Variants in CMTR1 observed in about 807,000 individuals in gnomAD.
The protein encoded by CMTR1 is cap methyltransferase 1, also known as cap-specific mRNA (nucleoside-2'-O-)-methyltransferase 1.
In CMTR1, 39 loss-of-function variants were observed where a neutral mutation model predicts 107.0. The ratio of observed to expected loss-of-function variants is 0.36; its 90% CI spans 0.28 to 0.48. The LOEUF (loss-of-function observed/expected upper bound fraction) is 0.48. CMTR1 is among the 20% of genes least tolerant of loss of function. CMTR1 has a pLI of 0.99. For missense variants in CMTR1, 672 were observed against 1,064.9 expected, an observed-to-expected ratio of 0.63 and a Z score of 5.14; for synonymous variants, 366 against 379.5, an observed-to-expected ratio of 0.96 and a Z score of 0.41.
Position 37,480,162 on chromosome 6 carries a change from C to G in CMTR1, c.*17C>G. On this transcript the variant is annotated 3_prime_UTR_variant, in exon 24 of 24. Transcript: ENST00000373451. ...AGGGCCTAAGAGCCTCAGAATGTGC[C>G]ACCCCTGCAGAATGCCCTGTCATTC... 6.3e-7 allele frequency: 1 copy of G among 1,597,420 alleles called. No homozygotes were observed. The highest frequency in any genetic ancestry group is 1.1e-5 in the South Asian group (1 of 88,144).
chr6:37,453,461 A>C (rs1761226834), intron 8 of CMTR1, 149 bp downstream of exon 8: 2 of 726,970 alleles, frequency 2.8e-6, no homozygotes, highest in Admixed American at 2.4e-5. Flanking sequence ...AGGGTCCCAC[A>C]GTGCTTCTGT....
rs140362754 is a variant in CMTR1, at chr6:37,472,116, G to A, written c.1620+212G>A. 1.3e-5 allele frequency among the ~76,000 whole-genome samples: 2 copies of A among 152,302 alleles called. No homozygotes were observed. Among genetic ancestry groups the A allele is most frequent in the African/African-American group, 4.8e-5 (2 of 41,568 alleles). ...TTGGCCCTGCAGCTGGGTCAGAAAG[G>A]ACTAAGGGGTGGGGTGTGGGGAGGT... On this transcript the variant is annotated intron_variant, in intron 15 of 23. Transcript: ENST00000373451. The surrounding 1 kb of genome is among the most constrained non-coding windows in gnomAD (Gnocchi z 4.1).
At chr6:37,465,189 A>G (rs1581745856) in intron 13 of CMTR1, among the ~76,000 whole-genome samples, 1 of 150,688 alleles carries the variant, frequency 6.6e-6, no homozygotes, top group Non-Finnish European at 1.5e-5. Flanking sequence ...AATCGCTTGA[A>G]CCCGGGAGGC....
At position 37,450,484 on chromosome 6, in the gene CMTR1, A is replaced by G. The variant is rs536704359; in HGVS notation, c.537+141A>G. On this transcript the variant is annotated intron_variant, in intron 5 of 23. Transcript: ENST00000373451. ...ATGTTGGTAGGAATAAAACTGTGTC[A>G]AGAGGGAGTGTCATGAGCTTTACAA... is the stretch of plus-strand genomic sequence containing the variant. 91 of 681,156 alleles carry G rather than the reference A, an allele frequency of 1.3e-4. No individual in the cohort carries two copies. The East Asian group carries it at 2.4e-3, about 18-fold the overall frequency. The allele number at this position is 681,156 out of a possible 1,614,324, so 42.2% of individuals were successfully genotyped here.
chr6:37,445,166 A>T (rs1408557461), intron 3 of CMTR1, among the ~76,000 whole-genome samples: 2 of 152,210 alleles, frequency 1.3e-5, no homozygotes, highest in African/African-American at 4.8e-5. Flanking sequence ...GAAGTTAAAG[A>T]TGGGAAGGCT....
intron 3 of CMTR1, among the ~76,000 whole-genome samples, chr6:37,445,111 A>G (rs969257647): frequency 1.3e-5 from 2 of 152,246 alleles, no homozygotes; most frequent in African/African-American, 4.8e-5. Flanking sequence ...TGTCACTGCT[A>G]AAGCCATAGG....
Position 37,440,804 on chromosome 6 carries a change from T to C in CMTR1, c.134-3195T>C, listed in dbSNP as rs993891762. The stretch of plus-strand genomic sequence containing the variant: ...ACAGAAGGAAACAAAAGATCTCTCT[T>C]TGAGATCTTAGGGTGGCAGGAACCC... On this transcript the variant is annotated intron_variant, in intron 2 of 23. Transcript: ENST00000373451. Among the ~76,000 whole-genome samples, 20 of 152,282 alleles carry C rather than the reference T, an allele frequency of 1.3e-4. 1 individual carries two copies. Among genetic ancestry groups the C allele is most frequent in the Middle Eastern group, 3.4e-3 (1 of 294 alleles).
chr6:37,454,687 C>T (rs762892401), intron 8 of CMTR1, among the ~76,000 whole-genome samples: 3 of 152,110 alleles, frequency 2.0e-5, no homozygotes, highest in Non-Finnish European at 4.4e-5. Context: ...AAAAGGCAGC[C>T]GTGTTTGTAA....
Position 37,479,201 on chromosome 6 carries a change from A to G in CMTR1, c.2321A>G (p.Lys774Arg). 1 of 1,614,212 alleles carries G rather than the reference A, an allele frequency of 6.2e-7. No individual in the cohort carries two copies. Among genetic ancestry groups the G allele is most frequent in the Non-Finnish European group, 8.5e-7 (1 of 1,180,004 alleles). Residue 774 changes from lysine to arginine, a missense_variant, in exon 23 of 24, where the codon AAG becomes AGG. Coordinates refer to ENST00000373451, the MANE Select transcript of CMTR1 (RefSeq NM_015050.3). ...KSFKKKFFYN[K>R]KTKDSTFDLP... ...TTCAAGAAGAAGTTCTTCTACAACA[A>G]GAAAACCAAGGACTCTACTTTTGAC...
chr6:37,479,831 G>T (rs867289176), intron 23 of CMTR1, among the ~76,000 whole-genome samples, 182 bp from the exon 24 acceptor site: 10 of 152,226 alleles, frequency 6.6e-5, no homozygotes, highest in Non-Finnish European at 1.3e-4. Context: ...ACAGCTGTTT[G>T]TTGGGAAAAG....
chr6:37,471,783 G>T (rs1375913798), intron 14 of CMTR1, 64 bp from the exon 15 acceptor site: 1 of 1,451,362 alleles, frequency 6.9e-7, no homozygotes, highest in Non-Finnish European at 9.7e-7. Context: ...GATATGAGGG[G>T]TGCACAGGGG....
At chr6:37,465,282 T>C (rs1250658849) in intron 13 of CMTR1, among the ~76,000 whole-genome samples, 2 of 151,788 alleles carry the variant, frequency 1.3e-5, no homozygotes, top group African/African-American at 2.4e-5. Context: ...AAAAAAAGTA[T>C]ATTATATATA....
In CMTR1 at chr6:37,473,524, C is replaced by G; in HGVS notation, c.1744C>G (p.Leu582Val). ...YKPTLLTSKTLEKIRPVFDYR... is the reference protein window; with the variant it reads ...YKPTLLTSKTVEKIRPVFDYR... Reference sequence around the variant, plus strand: ...GCCCACACTGCTCACCTCTAAAACCCTGGAGAAGATCCGCCCTGTGTTTGA... The same window carrying G: ...GCCCACACTGCTCACCTCTAAAACCGTGGAGAAGATCCGCCCTGTGTTTGA... The change falls in exon 17 of 24, where the codon CTG becomes GTG. Residue 582 changes from leucine (L) to valine (V), a missense_variant. By Grantham distance (32) the Leu-to-Val change is conservative. Around this residue, in one of 2 missense-constraint regions of CMTR1, gnomAD observed 583 missense variants for 968.4 expected, o/e 0.60. Transcript: ENST00000373451. 6.2e-7 allele frequency: 1 copy of G among 1,614,186 alleles called. No individual in the cohort carries two copies. The highest frequency in any genetic ancestry group is 8.5e-7 in the Non-Finnish European group (1 of 1,180,026).
chr6:37,443,865 TG>T, intron 2 of CMTR1, 133 bp from the exon 3 acceptor site: 1 of 949,264 alleles, frequency 1.1e-6, no homozygotes, highest in Non-Finnish European at 1.5e-6. Flanking sequence ...AAAATAGATT[TG>T]ACCTTGGGTC....
At chr6:37,469,285 G>A (rs1399578542) in intron 13 of CMTR1, among the ~76,000 whole-genome samples, 3 of 152,026 alleles carry the variant, frequency 2.0e-5, no homozygotes, top group South Asian at 4.1e-4. Context: ...CCTTGTTTCT[G>A]ATGAAAAGTC....
Position 37,446,403 on chromosome 6 carries a change from G to C in CMTR1, c.398G>C (p.Arg133Pro). ...CGAAGAGGCTTGGGTCTGACACTCC[G>C]GGGCTTTGACCAGGAGCTGAACGTG... ...KGRRGLGLTL[R>P]GFDQELNVDW... The change falls in exon 4 of 24, where the codon CGG (arginine) becomes CCG (proline). Residue 133 changes from arginine (R) to proline (P), a missense_variant. Physicochemically the swap from Arg to Pro is moderately radical, Grantham distance 103. Coordinates refer to ENST00000373451, the MANE Select transcript of CMTR1 (RefSeq NM_015050.3). 6.2e-7 allele frequency: 1 copy of C among 1,614,094 alleles called. No individual in the cohort carries two copies. The highest frequency in any genetic ancestry group is 8.5e-7 in the Non-Finnish European group (1 of 1,180,028).
At chr6:37,444,569 C>T (rs1358449066) in intron 3 of CMTR1, among the ~76,000 whole-genome samples, 1 of 152,086 alleles carries the variant, frequency 6.6e-6, no homozygotes, top group Non-Finnish European at 1.5e-5. Flanking sequence ...GGAAGTATTC[C>T]ATTTATTCTT....
rs1385222391 is a variant in CMTR1, at chr6:37,476,271, G to A, written c.2105+77G>A. 7 of 1,450,536 alleles carry A rather than the reference G, an allele frequency of 4.8e-6. No individual in the cohort carries two copies. In the African/African-American group the frequency reaches 8.4e-5, roughly 17 times the overall value. The allele number at this position is 1,450,536 out of a possible 1,614,324, so 89.9% of individuals were successfully genotyped here. Reference sequence around the variant, plus strand: ...CTCCCGTCCAGTGAGGGACAGGAGGGCTCAGTGGAGGGCACTAGGCAAGTG... The same window carrying A: ...CTCCCGTCCAGTGAGGGACAGGAGGACTCAGTGGAGGGCACTAGGCAAGTG... On this transcript the variant is annotated intron_variant, in intron 20 of 23. Coordinates refer to ENST00000373451, the MANE Select transcript of CMTR1 (RefSeq NM_015050.3).
intron 3 of CMTR1, among the ~76,000 whole-genome samples, chr6:37,445,801 C>T (rs1377451101): frequency 1.3e-5 from 2 of 152,152 alleles, no homozygotes; most frequent in Non-Finnish European, 2.9e-5. Flanking sequence ...TCCCATACCT[C>T]ACTTTTACAT....
Sources: allele counts gnomAD v4.1 joint callset (sites outside exome capture counted in the v4.1 genomes callset), GRCh38; gene constraint gnomAD v4.1.1; regional missense constraint gnomAD v4.1.1; non-coding constraint Gnocchi (gnomAD v3.1); transcripts MANE v1.5; gene names NCBI Gene and HGNC (gene_info 2026-07-23, HGNC 2026-07-21).